The following SETBP1 variants were observed in gnomAD, a reference collection of about 807,000 sequenced individuals.
SETBP1 encodes SET-binding protein.
In SETBP1, 9 loss-of-function variants were observed where a neutral mutation model predicts 101.0. The observed-to-expected ratio is 0.09, with a 90% confidence interval of 0.05 to 0.16. The LOEUF (loss-of-function observed/expected upper bound fraction) is 0.16, where lower values mean the gene tolerates loss of function less well. Among genes scored for constraint, SETBP1 ranks in the 10% least tolerant of loss-of-function variants. SETBP1 has a pLI of 1.00. For missense variants in SETBP1, 1,858 were observed against 2,033.8 expected, an observed-to-expected ratio of 0.91 and a Z score of 1.66; for synonymous variants, 818 against 788.5, an observed-to-expected ratio of 1.04 and a Z score of -0.63.
chr18:44,881,482 CTGAG>C (rs1405087036), intron 3 of SETBP1, among the ~76,000 whole-genome samples: 2 of 152,138 alleles, frequency 1.3e-5, no homozygotes, highest in Admixed American at 6.5e-5. Flanking sequence ...AATTAAATGG[CTGAG>C]TATTATTTCA....
At chr18:44,825,040 CT>C (rs796365080) in intron 2 of SETBP1, among the ~76,000 whole-genome samples, 7 of 152,346 alleles carry the variant, frequency 4.6e-5, no homozygotes, top group African/African-American at 1.7e-4. Context: ...TATAGAGTTA[CT>C]TTTTTCACTT....
rs773575184 is a variant in SETBP1, at chr18:44,952,054, T to C, written c.2714T>C (p.Ile905Thr). 1.9e-6 allele frequency: 3 copies of C among 1,614,054 alleles called. No homozygotes were observed. In the South Asian group the frequency reaches 3.3e-5, roughly 18 times the overall value. ...DFCSLDNPEA[I>T]PSDTSTKNRH... Reference sequence around the variant, plus strand: ...TGCTCCCTGGACAACCCGGAGGCCATTCCGTCCGACACCAGCACAAAGAAC... The same window carrying C: ...TGCTCCCTGGACAACCCGGAGGCCACTCCGTCCGACACCAGCACAAAGAAC... The change falls in exon 4 of 6, where the codon ATT becomes ACT. Residue 905 changes from isoleucine (I) to threonine (T), a missense_variant. This residue lies in a region of SETBP1 where 255 missense variants were observed against 300.1 expected (regional missense o/e 0.85). Coordinates refer to ENST00000649279, the MANE Select transcript of SETBP1 (RefSeq NM_015559.3).
intron 4 of SETBP1, among the ~76,000 whole-genome samples, chr18:44,999,429 T>C (rs1368682274): frequency 1.3e-5 from 2 of 152,340 alleles, no homozygotes; most frequent in Admixed American, 1.3e-4. Flanking sequence ...CTTAACATTT[T>C]ATATATTATG....
At chr18:44,804,068 T>C (rs2071673077) in intron 2 of SETBP1, among the ~76,000 whole-genome samples, 1 of 152,162 alleles carries the variant, frequency 6.6e-6, no homozygotes, top group African/African-American at 2.4e-5. Context: ...TAGCCATCCA[T>C]ACCTTTTGGC....
chr18:44,988,882 G>A (rs1475685225), intron 4 of SETBP1: 4 of 152,112 alleles, frequency 2.6e-5, no homozygotes, highest in Non-Finnish European at 5.9e-5. Context: ...GGTCAAAATA[G>A]GTACTTGCTT....
intron 2 of SETBP1, among the ~76,000 whole-genome samples, chr18:44,850,428 T>G (rs746232779): frequency 1.3e-5 from 2 of 151,892 alleles, no homozygotes; most frequent in African/African-American, 4.8e-5. Flanking sequence ...TGGAATGCAG[T>G]GGTGGGATCT....
chr18:45,036,610 C>A (rs1415004088), intron 4 of SETBP1, among the ~76,000 whole-genome samples: 1 of 152,198 alleles, frequency 6.6e-6, no homozygotes, highest in African/African-American at 2.4e-5. Flanking sequence ...TGCCTATCTC[C>A]ACCTTCAAAG....
chr18:44,730,834 C>T (rs540617920), intron 2 of SETBP1, among the ~76,000 whole-genome samples: 8 of 152,328 alleles, frequency 5.3e-5, no homozygotes, highest in African/African-American at 1.9e-4. Flanking sequence ...TTCTAATTAT[C>T]TACTGCTGTG....
intron 2 of SETBP1, among the ~76,000 whole-genome samples, chr18:44,814,846 G>T (rs1316808013): frequency 6.6e-6 from 1 of 152,226 alleles, no homozygotes; most frequent in African/African-American, 2.4e-5. Flanking sequence ...GCATTTTCTG[G>T]TAGGTGAAAT....
chr18:44,791,207 C>T (rs1467635654), intron 2 of SETBP1, among the ~76,000 whole-genome samples: 1 of 152,132 alleles, frequency 6.6e-6, no homozygotes, highest in East Asian at 1.9e-4. Context: ...ATCGGAGGCG[C>T]TCTTGTATCT....
At chr18:44,844,435 G>C (rs1026668785) in intron 2 of SETBP1, among the ~76,000 whole-genome samples, 3 of 151,738 alleles carry the variant, frequency 2.0e-5, no homozygotes, top group African/African-American at 7.3e-5. Context: ...GCTTCTTACT[G>C]TCTTATGCAG....
chr18:44,759,317 C>T (rs766588443), intron 2 of SETBP1, among the ~76,000 whole-genome samples: 7 of 152,122 alleles, frequency 4.6e-5, no homozygotes, highest in Admixed American at 6.6e-5. Context: ...GCAGTTGCCC[C>T]CAAGAATTGT....
intron 2 of SETBP1, among the ~76,000 whole-genome samples, chr18:44,714,471 G>T (rs754241155): frequency 6.6e-6 from 1 of 152,026 alleles, no homozygotes; most frequent in African/African-American, 2.4e-5. Context: ...CAAAGTTCTG[G>T]GATTACAGGC....
chr18:45,006,082 T>A (rs2072720137), intron 4 of SETBP1, among the ~76,000 whole-genome samples: 1 of 151,036 alleles, frequency 6.6e-6, no homozygotes, highest in Non-Finnish European at 1.5e-5. Context: ...GCCTCCTGAG[T>A]AGCTGGGACT....
chr18:45,045,989 G>T (rs1488578469), intron 5 of SETBP1, among the ~76,000 whole-genome samples: 1 of 151,974 alleles, frequency 6.6e-6, no homozygotes, highest in Non-Finnish European at 1.5e-5. Flanking sequence ...GCTCTAACAA[G>T]CCTTCCCTGA....
intron 1 of SETBP1, among the ~76,000 whole-genome samples, chr18:44,700,841 T>G (rs1024562513): frequency 1.3e-5 from 2 of 152,168 alleles, no homozygotes; most frequent in Non-Finnish European, 2.9e-5. Flanking sequence ...TCGTCATGAT[T>G]GGTTTTAACA....
At chr18:44,798,047 G>A (rs887248680) in intron 2 of SETBP1, among the ~76,000 whole-genome samples, 3 of 152,126 alleles carry the variant, frequency 2.0e-5, no homozygotes, top group African/African-American at 7.2e-5. Flanking sequence ...TCCATTTGTG[G>A]ACCCAAACGC....
chr18:44,699,946 C>T (rs543642802), intron 1 of SETBP1, among the ~76,000 whole-genome samples: 1 of 152,244 alleles, frequency 6.6e-6, no homozygotes, highest in East Asian at 1.9e-4. Context: ...GGCACATTTG[C>T]CAGCCACTTT....
rs535630160 is a variant in SETBP1 at position 44,955,134 on chromosome 18, G to A, written c.4000+1794G>A. Among the ~76,000 whole-genome samples the A allele has an allele frequency of 1.6e-3, 240 of 152,190 alleles. 1 individual carries two copies. The highest frequency in any genetic ancestry group is 2.7e-3 in the Non-Finnish European group (187 of 68,038). ...TTTACGAGGATTTGTCTGTGGCCAG[G>A]CTGTGTTGCTGAGTGCTGGTTGACT... On this transcript the variant is annotated intron_variant, in intron 4 of 5. Coordinates refer to ENST00000649279, the MANE Select transcript of SETBP1 (RefSeq NM_015559.3).
Sources: gnomAD v4.1 joint callset for allele counts (sites outside exome capture counted in the v4.1 genomes callset) on GRCh38, gnomAD v4.1.1 for gene constraint, gnomAD v4.1.1 regional missense constraint, MANE v1.5 for transcripts, NCBI Gene and HGNC (gene_info 2026-07-23, HGNC 2026-07-21) for gene names.